Variants in HABP2 observed in about 807,000 individuals in gnomAD.
The protein encoded by HABP2 is hyaluronan binding protein 2, also known as factor VII-activating protease.
In HABP2, 65 loss-of-function variants were observed where a neutral mutation model predicts 66.5. That is an observed-to-expected ratio of 0.98 (90% CI 0.80 to 1.20). The LOEUF (loss-of-function observed/expected upper bound fraction) is 1.20. Among genes scored for constraint, HABP2 ranks in the 50% most tolerant of loss-of-function variants. The probability of loss-of-function intolerance (pLI) is 0.00; values close to 1 mark genes in which losing one functional copy is unlikely to be tolerated. For missense variants in HABP2, 786 were observed against 691.0 expected (o/e 1.14, Z -1.54); for synonymous variants, 263 against 253.9 (o/e 1.04, Z -0.34).
chr10:113,567,312 G>A lies in HABP2; in HGVS notation c.70-177G>A, dbSNP rs11575667. On this transcript the variant is annotated intron_variant, in intron 1 of 12. Transcript: ENST00000351270. ...CGCGCACAGGTGGTGGTGGTGGAGG[G>A]GGTGTATCTTCAAATAGACCCCATT... 0.065 allele frequency among the ~76,000 whole-genome samples: 9,907 copies of A among 152,178 alleles called. 381 individuals carry two copies. The highest frequency in any genetic ancestry group is 0.12 in the Middle Eastern group (35 of 294).
intron 1 of HABP2, among the ~76,000 whole-genome samples, chr10:113,565,181 T>C (rs150447517): frequency 2.4e-4 from 36 of 152,368 alleles, no homozygotes; most frequent in Middle Eastern, 3.4e-3. Context: ...CCTACAGAAC[T>C]ACAATACCAT....
Position 113,582,099 on chromosome 10 carries a change from C to T in HABP2, c.1062C>T (p.Pro354=). The T allele has an allele frequency of 6.2e-7, 1 of 1,609,852 alleles. No individual in the cohort carries two copies. Among genetic ancestry groups the T allele is most frequent in the Non-Finnish European group, 8.5e-7 (1 of 1,179,872 alleles). Residue 354 remains proline, a synonymous_variant, in exon 9 of 13, where the codon CCC becomes CCT. Transcript: ENST00000351270. ...TCTGTGGTGGGGCGCTGATCCACCC[C>T]TGCTGGGTGCTCACTGCTGCCCACT... ...GHFCGGALIH[P]CWVLTAAHCT...
rs374554126 is a variant in HABP2, at chr10:113,578,064, G to A, written c.487G>A (p.Ala163Thr). ...CAGGCCAAACCCCTGCCAGAATGGGGCTACCTGCTCCCGGCATAAGCGGAG... is the reference window on the plus strand; with the variant it reads ...CAGGCCAAACCCCTGCCAGAATGGGACTACCTGCTCCCGGCATAAGCGGAG... ...VCRPNPCQNGATCSRHKRRSK... is the reference protein window; with the variant it reads ...VCRPNPCQNGTTCSRHKRRSK... Residue 163 changes from alanine to threonine, a missense_variant, in exon 6 of 13, where the codon GCT (alanine) becomes ACT (threonine). Transcript: ENST00000351270. The A allele has an allele frequency of 1.1e-4, 177 of 1,614,044 alleles. No homozygotes were observed. Among genetic ancestry groups the A allele is most frequent in the South Asian group, 1.8e-4 (16 of 91,092 alleles).
chr10:113,578,054 C>T lies in HABP2; in HGVS notation c.477C>T (p.Cys159=). The T allele has an allele frequency of 6.2e-7, 1 of 1,614,136 alleles. No homozygotes were observed. The highest frequency in any genetic ancestry group is 8.5e-7 in the Non-Finnish European group (1 of 1,179,986). The change falls in exon 6 of 13, where the codon TGC becomes TGT. Residue 159 remains cysteine (C), a synonymous_variant. Transcript: ENST00000351270. ...TTCCTGTATGCAGGCCAAACCCCTGCCAGAATGGGGCTACCTGCTCCCGGC... is the reference window on the plus strand; with the variant it reads ...TTCCTGTATGCAGGCCAAACCCCTGTCAGAATGGGGCTACCTGCTCCCGGC... ...QVVPVCRPNP[C]QNGATCSRHK... is the part of the protein sequence containing the mutation.
intron 12 of HABP2, among the ~76,000 whole-genome samples, chr10:113,587,985 CG>C (rs1845687296): frequency 6.6e-6 from 1 of 151,930 alleles, no homozygotes; most frequent in Admixed American, 6.6e-5. Context: ...CTGTTAAGCC[CG>C]CGTGGACTCA....
chr10:113,566,104 AAT>A lies in HABP2; in HGVS notation c.70-1381_70-1380del, dbSNP rs372600232. Among the ~76,000 whole-genome samples, 4 of 152,370 alleles carry A rather than the reference AAT, an allele frequency of 2.6e-5. No individual in the cohort carries two copies. In the East Asian group the frequency reaches 7.7e-4, roughly 29 times the overall value. ...AATTCTGCAGAGGGTAGAAGCAGCA[AAT>A]ATACCAAACTGCCTAGCTTGATGTA... On this transcript the variant is annotated intron_variant, in intron 1 of 12. Transcript: ENST00000351270.
intron 1 of HABP2, among the ~76,000 whole-genome samples, chr10:113,553,499 C>T (rs1844935729): frequency 6.6e-6 from 1 of 152,196 alleles, no homozygotes; most frequent in Admixed American, 6.5e-5. Flanking sequence ...TCTCATAGAC[C>T]CCTTTGAGAA....
rs11575774 is a variant in HABP2, at chr10:113,582,693, C to G, written c.1095-523C>G. ...ATGACCCTTCTGAGTCAGGTGTCTT[C>G]ATCCATGCCTCCTGTGTGCCTTAGA... On this transcript the variant is annotated intron_variant, in intron 9 of 12. Transcript: ENST00000351270. Among the ~76,000 whole-genome samples, 437 of 152,338 alleles carry G rather than the reference C, an allele frequency of 2.9e-3. 2 individuals carry two copies. The highest frequency in any genetic ancestry group is 0.01 in the African/African-American group (416 of 41,574).
Position 113,563,844 on chromosome 10 carries a change from C to G in HABP2, c.70-3645C>G, listed in dbSNP as rs1477629426. On this transcript the variant is annotated intron_variant, in intron 1 of 12. Transcript: ENST00000351270. ...AAAGAGAAGAATTCGTAGGGAATCT[C>G]CAAAGGACTGGGTGGAGACAGGTCT... Among the ~76,000 whole-genome samples, 7 of 152,254 alleles carry G rather than the reference C, an allele frequency of 4.6e-5. No individual in the cohort carries two copies. The East Asian group carries it at 1.2e-3, about 25-fold the overall frequency.
At position 113,589,036 on chromosome 10, in the gene HABP2, T is replaced by A; in HGVS notation, c.*667T>A. The A allele has an allele frequency of 6.2e-7, 1 of 1,613,906 alleles. No individual in the cohort carries two copies. Among genetic ancestry groups the A allele is most frequent in the South Asian group, 1.1e-5 (1 of 91,062 alleles). ...AATCTCAGTGGCATCTGGGTTCACC[T>A]CCCCACTCTGATGATCTCCAGCCTC... On this transcript the variant is annotated 3_prime_UTR_variant, in exon 13 of 13. Coordinates refer to ENST00000351270, the MANE Select transcript of HABP2 (RefSeq NM_004132.5).
At position 113,574,389 on chromosome 10, in the gene HABP2, C is replaced by A; in HGVS notation, c.207C>A (p.Tyr69Ter). 6.6e-7 allele frequency: 1 copy of A among 1,523,782 alleles called. No homozygotes were observed. Among genetic ancestry groups the A allele is most frequent in the Non-Finnish European group, 9.1e-7 (1 of 1,096,752 alleles). The allele number at this position is 1,523,782 out of a possible 1,614,324, so 94.4% of individuals were successfully genotyped here. A position where few individuals can be genotyped will look rare whatever the true frequency, so the allele number is the denominator to read the frequency against. ...LTHAENPDWYYTEDQADPCQP... is the reference protein window; with the variant it reads ...LTHAENPDWY ...ACGCTGAGAATCCTGACTGGTACTACACTGAGGACCAAGCTGGTAGGTACC... is the reference window on the plus strand; with the variant it reads ...ACGCTGAGAATCCTGACTGGTACTAAACTGAGGACCAAGCTGGTAGGTACC... The change falls in exon 3 of 13, where the codon TAC (tyrosine) becomes TAA (stop). Residue 69 changes from tyrosine to a stop codon, truncating the protein, a stop_gained. Coordinates refer to ENST00000351270, the MANE Select transcript of HABP2 (RefSeq NM_004132.5). LOFTEE classifies it high-confidence loss of function.
At chr10:113,572,327 C>T (rs1845328946) in intron 2 of HABP2, among the ~76,000 whole-genome samples, 1 of 152,214 alleles carries the variant, frequency 6.6e-6, no homozygotes, top group Non-Finnish European at 1.5e-5. Flanking sequence ...AAAGTCACAC[C>T]ATACCATCTA....
At chr10:113,565,135 C>A (rs769374694) in intron 1 of HABP2, among the ~76,000 whole-genome samples, 2 of 152,324 alleles carry the variant, frequency 1.3e-5, no homozygotes, top group Non-Finnish European at 2.9e-5. Context: ...TGAGCCACCA[C>A]GCCCAGCCAG....
At chr10:113,564,497 A>T (rs1280433256) in intron 1 of HABP2, among the ~76,000 whole-genome samples, 2 of 152,034 alleles carry the variant, frequency 1.3e-5, no homozygotes, top group African/African-American at 4.8e-5. Flanking sequence ...CTCAGCCCCA[A>T]ACAGAACACC....
In HABP2 at chr10:113,581,924, C is replaced by T. The variant is rs779703780; in HGVS notation, c.887C>T (p.Pro296Leu). 13 of 1,613,944 alleles carry T rather than the reference C, an allele frequency of 8.1e-6. No homozygotes were observed. The highest frequency in any genetic ancestry group is 6.7e-5 in the East Asian group (3 of 44,892). The change falls in exon 9 of 13, where the codon CCG becomes CTG. Residue 296 changes from proline to leucine, a missense_variant. Pro to Leu is a moderately conservative substitution (Grantham distance 98). Coordinates refer to ENST00000351270, the MANE Select transcript of HABP2 (RefSeq NM_004132.5). ...CCCACTGAGCCATCAACCAAGCTTC[C>T]GGGGTTTGACTCCTGTGGAAAGACT... ...ESPTEPSTKL[P>L]GFDSCGKTEI...
At chr10:113,569,129 T>C (rs1845255738) in intron 2 of HABP2, among the ~76,000 whole-genome samples, 1 of 152,206 alleles carries the variant, frequency 6.6e-6, no homozygotes, top group Non-Finnish European at 1.5e-5. Context: ...CACTGGGCTC[T>C]CAGGAGGTAA....
chr10:113,588,435 C>A lies in HABP2; in HGVS notation c.*66C>A. On this transcript the variant is annotated 3_prime_UTR_variant, in exon 13 of 13. Coordinates refer to ENST00000351270, the MANE Select transcript of HABP2 (RefSeq NM_004132.5). ...CCCTGACACCGGGAGGCCTCATGGC[C>A]AACAATGGACACCTCCAGAGCCTCC... 2.4e-6 allele frequency: 3 copies of A among 1,231,354 alleles called. No individual in the cohort carries two copies. The highest frequency in any genetic ancestry group is 3.5e-6 in the Non-Finnish European group (3 of 867,774). The allele number at this position is 1,231,354 out of a possible 1,614,324, so 76.3% of individuals were successfully genotyped here. A position where few individuals can be genotyped will look rare whatever the true frequency, so the allele number is the denominator to read the frequency against.
intron 2 of HABP2, among the ~76,000 whole-genome samples, chr10:113,570,732 T>G (rs574804734): frequency 2.0e-5 from 3 of 152,150 alleles, no homozygotes; most frequent in Non-Finnish European, 2.9e-5. Flanking sequence ...GCAGACACCA[T>G]TTTTTTAGCC....
chr10:113,587,185 T>G (rs1418595430), intron 12 of HABP2, among the ~76,000 whole-genome samples: 1 of 152,154 alleles, frequency 6.6e-6, no homozygotes, highest in African/African-American at 2.4e-5. Flanking sequence ...GTGGACATGG[T>G]GGCACATGCC....
Sources: allele counts gnomAD v4.1 joint callset (sites outside exome capture counted in the v4.1 genomes callset), GRCh38; gene constraint gnomAD v4.1.1; transcripts MANE v1.5; gene names NCBI Gene and HGNC (gene_info 2026-07-23, HGNC 2026-07-21).